The following DYNC2H1 variants were observed in gnomAD, a reference collection of about 807,000 sequenced individuals.
DYNC2H1 encodes cytoplasmic dynein 2 heavy chain 1.
DYNC2H1 carries 410 observed loss-of-function variants against 570.0 expected under a neutral mutation model. The observed-to-expected ratio is 0.72, with a 90% CI of 0.66 to 0.78. The LOEUF (loss-of-function observed/expected upper bound fraction) is 0.78, where lower values mean the gene tolerates loss of function less well. Among genes scored for constraint, DYNC2H1 ranks in the 30% least tolerant of loss-of-function variants. The pLI, the probability that DYNC2H1 is intolerant of heterozygous loss-of-function variation, is 0.00. For missense variants in DYNC2H1, 4,865 were observed against 5,046.4 expected (o/e 0.96, Z 1.09); for synonymous variants, 1,688 against 1,677.6 (o/e 1.01, Z -0.15).
rs374923463 is a variant in DYNC2H1 at position 103,256,198 on chromosome 11, G to A, written c.10419G>A (p.Glu3473=). ...QTKASSALIQ[E]SLKESYKLQI... ...AAGCAAGCAGTGCACTTATTCAAGAGTCACTTAAAGAATCTTACAAACTCC... is the reference window on the plus strand; with the variant it reads ...AAGCAAGCAGTGCACTTATTCAAGAATCACTTAAAGAATCTTACAAACTCC... Residue 3473 remains glutamate, a synonymous_variant, in exon 68 of 89, where the codon GAG becomes GAA. Transcript: ENST00000375735. This position sits in a 1 kb window ranked among gnomAD's most constrained non-coding sequence, Gnocchi z 4.0. The A allele has an allele frequency of 1.2e-5, 20 of 1,606,440 alleles. No individual in the cohort carries two copies. In the African/African-American group the frequency reaches 2.4e-4, roughly 19 times the overall value.
At chr11:103,290,207 C>A (rs1268885441) in intron 75 of DYNC2H1, among the ~76,000 whole-genome samples, 1 of 152,044 alleles carries the variant, frequency 6.6e-6, no homozygotes, top group African/African-American at 2.4e-5. Flanking sequence ...GGGGGAGACA[C>A]AATTTAACCC....
chr11:103,331,231 A>T (rs1938771936), intron 82 of DYNC2H1, among the ~76,000 whole-genome samples: 1 of 152,252 alleles, frequency 6.6e-6, no homozygotes, highest in South Asian at 2.1e-4. Context: ...ACATTGGTCA[A>T]GGCCAAGTGT....
intron 39 of DYNC2H1, among the ~76,000 whole-genome samples, chr11:103,180,448 A>C (rs1199434334): frequency 6.6e-6 from 1 of 151,700 alleles, no homozygotes; most frequent in Non-Finnish European, 1.5e-5. Flanking sequence ...AGAAAATAAG[A>C]CATTGCTTTA....
chr11:103,362,768 G>A (rs1446308185), intron 83 of DYNC2H1, among the ~76,000 whole-genome samples: 8 of 152,084 alleles, frequency 5.3e-5, no homozygotes, highest in East Asian at 1.9e-4. Context: ...AGTGGCTCAC[G>A]CCTGTAATCC....
In DYNC2H1 at chr11:103,133,733, A is replaced by G. The variant is rs1859390333; in HGVS notation, c.2106+26A>G. On this transcript the variant is annotated intron_variant, in intron 14 of 88. Coordinates refer to ENST00000375735, the MANE Select transcript of DYNC2H1 (RefSeq NM_001377.3). The surrounding 1 kb of genome is among the most constrained non-coding windows in gnomAD (Gnocchi z 4.8). ...GTATATTTTGTTTATAAAATTGAAT[A>G]AGCTATGAATGATATTATTTAAAAA... 2.6e-6 allele frequency: 4 copies of G among 1,541,828 alleles called. No individual in the cohort carries two copies. Among genetic ancestry groups the G allele is most frequent in the Non-Finnish European group, 3.5e-6 (4 of 1,142,232 alleles).
At chr11:103,233,792 C>A (rs1864106963) in intron 60 of DYNC2H1, among the ~76,000 whole-genome samples, 1 of 150,562 alleles carries the variant, frequency 6.6e-6, no homozygotes, top group East Asian at 1.9e-4. Flanking sequence ...AGCACGGAGG[C>A]CCTGTCAAGT....
In DYNC2H1 at chr11:103,133,105, A is replaced by T. The variant is rs1859359163; in HGVS notation, c.1954-450A>T. 6.6e-6 allele frequency among the ~76,000 whole-genome samples: 1 copy of T among 152,090 alleles called. No individual in the cohort carries two copies. Among genetic ancestry groups the T allele is most frequent in the South Asian group, 2.1e-4 (1 of 4,826 alleles). On this transcript the variant is annotated intron_variant, in intron 13 of 88. Transcript: ENST00000375735. The surrounding 1 kb of genome is among the most constrained non-coding windows in gnomAD (Gnocchi z 4.8). ...GGTGTTAAGCTACAATAGGATGTGT[A>T]TTGCTAAAAATGTTTTCTCTTGTTA...
At chr11:103,232,553 T>C (rs1020319737) in intron 60 of DYNC2H1, among the ~76,000 whole-genome samples, 2 of 152,044 alleles carry the variant, frequency 1.3e-5, no homozygotes, top group African/African-American at 4.8e-5. Flanking sequence ...GTTACCATGC[T>C]GTTACTTATA....
Position 103,177,301 on chromosome 11 carries a change from G to C in DYNC2H1, c.5875-255G>C, listed in dbSNP as rs1428829516. Among the ~76,000 whole-genome samples, 3 of 151,960 alleles carry C rather than the reference G, an allele frequency of 2.0e-5. No individual in the cohort carries two copies. Among genetic ancestry groups the C allele is most frequent in the African/African-American group, 4.8e-5 (2 of 41,356 alleles). ...AGTGGAGCAAGTAACGAACATAATT[G>C]TTCATACAAGTTTTTTGAACTTGGA... On this transcript the variant is annotated intron_variant, in intron 37 of 88. Transcript: ENST00000375735. This position sits in a 1 kb window ranked among gnomAD's most constrained non-coding sequence, Gnocchi z 4.4.
At chr11:103,152,732 A>T (rs953471743) in intron 21 of DYNC2H1, among the ~76,000 whole-genome samples, 1 of 152,050 alleles carries the variant, frequency 6.6e-6, no homozygotes, top group Non-Finnish European at 1.5e-5. Flanking sequence ...GGTTTTGTCA[A>T]TCTTTTTGTC....
Position 103,236,435 on chromosome 11 carries a change from G to A in DYNC2H1, c.9715G>A (p.Asp3239Asn). The A allele has an allele frequency of 6.3e-7, 1 of 1,585,818 alleles. No individual in the cohort carries two copies. The highest frequency in any genetic ancestry group is 8.7e-7 in the Non-Finnish European group (1 of 1,155,336). Residue 3239 changes from aspartate (D) to asparagine (N), a missense_variant, in exon 63 of 89, where the codon GAT becomes AAT. By Grantham distance (23) the Asp-to-Asn change is conservative (BLOSUM62 1). Coordinates refer to ENST00000375735, the MANE Select transcript of DYNC2H1 (RefSeq NM_001377.3). Reference protein sequence around the residue: ...WTKSAGLEKFDLRRFLCTESE... With the variant: ...WTKSAGLEKFNLRRFLCTESE... ...CAATATCTTCAACTTTTCAGAATTT[G>A]ATCTGAGGAGATTTCTTTGTACTGA... is the stretch of plus-strand genomic sequence containing the variant.
intron 76 of DYNC2H1, 117 bp downstream of exon 76, chr11:103,303,370 C>G: frequency 8.9e-7 from 1 of 1,121,578 alleles, no homozygotes; most frequent in Non-Finnish European, 1.2e-6. Context: ...CCAAAAATGT[C>G]TATGTCCTAA....
intron 85 of DYNC2H1, among the ~76,000 whole-genome samples, chr11:103,447,471 G>A (rs914690390): frequency 3.9e-5 from 6 of 152,100 alleles, no homozygotes; most frequent in African/African-American, 1.4e-4. Context: ...GCTACACAAT[G>A]TGGGAAACCA....
intron 55 of DYNC2H1, 126 bp downstream of exon 55, chr11:103,215,984 C>A: frequency 2.5e-6 from 3 of 1,203,534 alleles, no homozygotes; most frequent in Non-Finnish European, 3.4e-6. Context: ...CTGAGTCAGA[C>A]TGATATTATG....
chr11:103,326,383 A>G lies in DYNC2H1; in HGVS notation c.12039+2393A>G, dbSNP rs1302392709. 6.6e-6 allele frequency among the ~76,000 whole-genome samples: 1 copy of G among 152,066 alleles called. No homozygotes were observed. Among genetic ancestry groups the G allele is most frequent in the East Asian group, 1.9e-4 (1 of 5,164 alleles). On this transcript the variant is annotated intron_variant, in intron 82 of 88. Transcript: ENST00000375735. This position sits in a 1 kb window ranked among gnomAD's most constrained non-coding sequence, Gnocchi z 6.1. ...CTCTGACAGGCTGCATCCGGGAGAT[A>G]GGCCGGCCATACGCTTTCTGGGCCA... is the stretch of plus-strand genomic sequence containing the variant.
At chr11:103,222,740 A>C (rs1162135811) in intron 58 of DYNC2H1, among the ~76,000 whole-genome samples, 1 of 152,214 alleles carries the variant, frequency 6.6e-6, no homozygotes, top group Non-Finnish European at 1.5e-5. Context: ...TTTAATTTAA[A>C]GATTCTGTGT....
chr11:103,179,162 T>C lies in DYNC2H1; in HGVS notation c.6276T>C (p.Phe2092=). Reference sequence around the variant, plus strand: ...TTCAGTTTGGCCCAAATGTTAACTTTGTATTTGAAACTCATGATTTAAGTT... The same window carrying C: ...TTCAGTTTGGCCCAAATGTTAACTTCGTATTTGAAACTCATGATTTAAGTT... The part of the protein sequence containing the change: ...ERIQFGPNVN[F]VFETHDLSCA... The change falls in exon 39 of 89, where the codon TTT becomes TTC. Residue 2092 remains phenylalanine (F), a synonymous_variant. Coordinates refer to ENST00000375735, the MANE Select transcript of DYNC2H1 (RefSeq NM_001377.3). 3 of 1,613,156 alleles carry C rather than the reference T, an allele frequency of 1.9e-6. No individual in the cohort carries two copies. Among genetic ancestry groups the C allele is most frequent in the African/African-American group, 1.3e-5 (1 of 74,998 alleles).
chr11:103,216,897 T>C (rs1863407772), intron 55 of DYNC2H1, among the ~76,000 whole-genome samples: 1 of 152,226 alleles, frequency 6.6e-6, no homozygotes, highest in Non-Finnish European at 1.5e-5. Context: ...TTCTTTCCTG[T>C]ATTTCTTTCC....
In DYNC2H1 at chr11:103,363,822, A is replaced by G. The variant is rs372368528; in HGVS notation, c.12156+5463A>G. Reference sequence around the variant, plus strand: ...TGCTTTATGTTTAAGGGGAGAAAACACTATTATATAAAAGGTAAACACCAG... The same window carrying G: ...TGCTTTATGTTTAAGGGGAGAAAACGCTATTATATAAAAGGTAAACACCAG... On this transcript the variant is annotated intron_variant, in intron 83 of 88. Coordinates refer to ENST00000375735, the MANE Select transcript of DYNC2H1 (RefSeq NM_001377.3). This position sits in a 1 kb window ranked among gnomAD's most constrained non-coding sequence, Gnocchi z 5.6. 1.6e-4 allele frequency among the ~76,000 whole-genome samples: 25 copies of G among 152,360 alleles called. No homozygotes were observed. Among genetic ancestry groups the G allele is most frequent in the African/African-American group, 5.8e-4 (24 of 41,588 alleles).
Sources: allele counts gnomAD v4.1 joint callset (sites outside exome capture counted in the v4.1 genomes callset), GRCh38; gene constraint gnomAD v4.1.1; non-coding constraint Gnocchi (gnomAD v3.1); transcripts MANE v1.5; gene names NCBI Gene and HGNC (gene_info 2026-07-23, HGNC 2026-07-21).